The following PBX3 variants were observed in gnomAD, a reference collection of about 807,000 sequenced individuals.
The protein encoded by PBX3 is pre-B-cell leukemia transcription factor 3.
In PBX3, 14 loss-of-function variants were observed where a neutral mutation model predicts 48.5. The ratio of observed to expected loss-of-function variants is 0.29; its 90% CI spans 0.19 to 0.45. The LOEUF (loss-of-function observed/expected upper bound fraction) is 0.45. PBX3 is among the 20% of genes least tolerant of loss of function. The pLI is 1.00. For missense variants in PBX3, 386 were observed against 546.7 expected, an observed-to-expected ratio of 0.71 and a Z score of 2.93; for synonymous variants, 210 against 200.3, an observed-to-expected ratio of 1.05 and a Z score of -0.41.
Position 125,818,330 on chromosome 9 carries a change from C to CT in PBX3, c.274+69720dup, listed in dbSNP as rs879666640. On this transcript the variant is annotated intron_variant, in intron 2 of 8. Coordinates refer to ENST00000373489, the MANE Select transcript of PBX3 (RefSeq NM_006195.6). ...AATGAGCCTTACATACATAACCATA[C>CT]TTTTTTTTTTTTTAATTTGAGACGG... 3.3e-3 allele frequency among the ~76,000 whole-genome samples: 472 copies of CT among 143,118 alleles called. 2 individuals carry two copies. Among genetic ancestry groups the CT allele is most frequent in the African/African-American group, 0.01 (401 of 39,348 alleles). 93.9% of individuals were successfully genotyped at this position (143,118 alleles called of 152,430 possible).
chr9:125,943,181 C>T (rs993857110), intron 5 of PBX3, among the ~76,000 whole-genome samples: 1 of 151,516 alleles, frequency 6.6e-6, no homozygotes, highest in African/African-American at 2.4e-5. Context: ...ACCTGGGCAA[C>T]CTCGTCTCTA....
intron 2 of PBX3, among the ~76,000 whole-genome samples, chr9:125,891,952 A>G (rs935200177): frequency 2.0e-5 from 3 of 151,996 alleles, no homozygotes; most frequent in African/African-American, 7.3e-5. Flanking sequence ...ACGGAGTCTC[A>G]CTCTGTCCCC....
chr9:125,901,856 G>T (rs1354493428), intron 2 of PBX3, among the ~76,000 whole-genome samples: 1 of 151,598 alleles, frequency 6.6e-6, no homozygotes, highest in African/African-American at 2.4e-5. Context: ...TTCTTTTCTT[G>T]TCAGTTTACT....
intron 2 of PBX3, among the ~76,000 whole-genome samples, chr9:125,842,628 G>C (rs1248067859): frequency 2.0e-5 from 3 of 152,168 alleles, no homozygotes; most frequent in Non-Finnish European, 4.4e-5. Flanking sequence ...GGAGAGAACA[G>C]TTGAAGTTTA....
intron 2 of PBX3, among the ~76,000 whole-genome samples, chr9:125,783,815 A>C (rs903885103): frequency 6.6e-6 from 1 of 151,914 alleles, no homozygotes; most frequent in Admixed American, 6.6e-5. Context: ...GCTGGCCAAC[A>C]TGATAAAACC....
rs372438302 is a variant in PBX3, at chr9:125,772,666, T to C, written c.274+24043T>C. Among the ~76,000 whole-genome samples, 11 of 152,356 alleles carry C rather than the reference T, an allele frequency of 7.2e-5. No homozygotes were observed. The East Asian group carries it at 2.1e-3, about 29-fold the overall frequency. ...TCGTAGCTTTCAGGATTGTGAGAAT[T>C]AGAGGTGAATGTATGTACAGGACCT... On this transcript the variant is annotated intron_variant, in intron 2 of 8. Transcript: ENST00000373489.
chr9:125,966,074 G>C lies in PBX3; in HGVS notation c.*151G>C. ...GAACTTGGTAAATCTGTTTTTTAAGGAATCATAATCATTTGTATTTATACT... is the reference window on the plus strand; with the variant it reads ...GAACTTGGTAAATCTGTTTTTTAAGCAATCATAATCATTTGTATTTATACT... On this transcript the variant is annotated 3_prime_UTR_variant, in exon 9 of 9. Transcript: ENST00000373489. 1 of 519,466 alleles carries C rather than the reference G, an allele frequency of 1.9e-6. No homozygotes were observed. Among genetic ancestry groups the C allele is most frequent in the Non-Finnish European group, 3.4e-6 (1 of 289,938 alleles). The allele number at this position is 519,466 out of a possible 1,614,324, so 32.2% of individuals were successfully genotyped here.
chr9:125,917,975 G>A (rs1841371304), intron 3 of PBX3, among the ~76,000 whole-genome samples: 3 of 152,142 alleles, frequency 2.0e-5, no homozygotes. Context: ...AACAAAATAA[G>A]TCATGGTTGA....
In PBX3 at chr9:125,963,062, C is replaced by T. The variant is rs1446911974; in HGVS notation, c.1173C>T (p.Gly391=). Residue 391 remains glycine (G), a synonymous_variant, in exon 8 of 9, where the codon GGC becomes GGT. Coordinates refer to ENST00000373489, the MANE Select transcript of PBX3 (RefSeq NM_006195.6). The part of the protein sequence containing the change: ...VINQTGGYSD[G]LGGNSLYSPH... ...ATCAGACGGGAGGCTACAGTGATGG[C>T]CTTGGAGGAAATTCACTGTACAGTC... 1 of 1,609,684 alleles carries T rather than the reference C, an allele frequency of 6.2e-7. No individual in the cohort carries two copies. Among genetic ancestry groups the T allele is most frequent in the Non-Finnish European group, 8.5e-7 (1 of 1,176,738 alleles).
Position 125,858,166 on chromosome 9 carries a change from C to G in PBX3, c.275-57520C>G, listed in dbSNP as rs143001879. Among the ~76,000 whole-genome samples the G allele has an allele frequency of 3.9e-3, 593 of 152,210 alleles. 5 individuals carry two copies. Among genetic ancestry groups the G allele is most frequent in the African/African-American group, 0.013 (556 of 41,544 alleles). ...ATCACATGAGCCTAGGAGTTCAAGACCAGCCTGGGCAATATAGGGAGACCC... is the reference window on the plus strand; with the variant it reads ...ATCACATGAGCCTAGGAGTTCAAGAGCAGCCTGGGCAATATAGGGAGACCC... On this transcript the variant is annotated intron_variant, in intron 2 of 8. Coordinates refer to ENST00000373489, the MANE Select transcript of PBX3 (RefSeq NM_006195.6).
chr9:125,947,047 A>T (rs113939236), intron 5 of PBX3, among the ~76,000 whole-genome samples: 1 of 152,216 alleles, frequency 6.6e-6, no homozygotes, highest in East Asian at 1.9e-4. Context: ...TGATGAATCA[A>T]ATTAAATGTC....
intron 2 of PBX3, among the ~76,000 whole-genome samples, chr9:125,802,720 C>T (rs1321176294): frequency 6.6e-6 from 1 of 151,650 alleles, no homozygotes; most frequent in Non-Finnish European, 1.5e-5. Flanking sequence ...TCTCCGTTGC[C>T]CAGGCTGGGG....
At chr9:125,797,107 T>G (rs1199522503) in intron 2 of PBX3, among the ~76,000 whole-genome samples, 1 of 152,082 alleles carries the variant, frequency 6.6e-6, no homozygotes, top group East Asian at 1.9e-4. Flanking sequence ...TATAATACTA[T>G]AGTGACTAAG....
At chr9:125,886,534 G>A (rs1432600797) in intron 2 of PBX3, among the ~76,000 whole-genome samples, 13 of 152,116 alleles carry the variant, frequency 8.5e-5, no homozygotes, top group Admixed American at 8.5e-4. Context: ...CCTGAACAAG[G>A]GAATTCAACG....
chr9:125,887,486 CT>C (rs887422181), intron 2 of PBX3, among the ~76,000 whole-genome samples: 3 of 152,112 alleles, frequency 2.0e-5, no homozygotes, highest in Non-Finnish European at 4.4e-5. Context: ...GTTTTGTAGC[CT>C]ACAGTTTTAA....
At chr9:125,840,140 A>G (rs965501790) in intron 2 of PBX3, among the ~76,000 whole-genome samples, 6 of 152,094 alleles carry the variant, frequency 3.9e-5, no homozygotes, top group Non-Finnish European at 1.5e-5. Flanking sequence ...GAAGATTAAT[A>G]ATTGTGACTT....
At chr9:125,810,107 A>G (rs1481136945) in intron 2 of PBX3, among the ~76,000 whole-genome samples, 2 of 152,202 alleles carry the variant, frequency 1.3e-5, no homozygotes, top group East Asian at 3.8e-4. Flanking sequence ...ATAGGAATAT[A>G]CAAAGTGCAC....
intron 2 of PBX3, among the ~76,000 whole-genome samples, chr9:125,859,400 G>A (rs969916829): frequency 1.3e-5 from 2 of 152,184 alleles, no homozygotes; most frequent in Admixed American, 1.3e-4. Flanking sequence ...CATTGCTACT[G>A]CAAGGCCTCC....
At chr9:125,924,826 T>A (rs1040178467) in intron 3 of PBX3, among the ~76,000 whole-genome samples, 1 of 152,240 alleles carries the variant, frequency 6.6e-6, no homozygotes, top group African/African-American at 2.4e-5. Context: ...ATTTTTTAAT[T>A]GGCATAATTC....
Sources: gnomAD v4.1 joint callset for allele counts (sites outside exome capture counted in the v4.1 genomes callset) on GRCh38, gnomAD v4.1.1 for gene constraint, MANE v1.5 for transcripts, NCBI Gene and HGNC (gene_info 2026-07-23, HGNC 2026-07-21) for gene names.